Variants in XIST observed in about 807,000 individuals in gnomAD.
The protein encoded by XIST is X inactive specific transcript, also known as X inactive specific transcript (non-protein coding).
In XIST at chrX:73,847,852, T is replaced by C. The variant is rs766905596; in HGVS notation, n.4872A>G. ...GGGAGAGACCATGAACATTGGAATT[T>C]TGCACATTCATAGTCCCAGGGAAAG... is the stretch of plus-strand genomic sequence containing the variant. On this transcript the variant is annotated non_coding_transcript_exon_variant, in exon 1 of 6. Coordinates refer to ENST00000429829, the Ensembl canonical transcript of XIST. 1.3e-5 allele frequency: 7 copies of C among 559,165 alleles called. No individual in the cohort carries two copies. The East Asian group carries it at 1.9e-4, about 16-fold the overall frequency. The allele number at this position is 559,165 out of a possible 1,213,427, so 46.1% of individuals were successfully genotyped here. A position where few individuals can be genotyped will look rare whatever the true frequency, so the allele number is the denominator to read the frequency against.
chrX:73,829,069 T>C (rs1445948947), exon 5 of XIST: 4 of 556,731 alleles, frequency 7.2e-6, no homozygotes, highest in Middle Eastern at 6.2e-4. Flanking sequence ...ACAACTTACT[T>C]CATTCAGCTA....
chrX:73,824,798 A>C (rs759853195), exon 6 of XIST: 4 of 557,222 alleles, frequency 7.2e-6, no homozygotes, highest in Admixed American at 4.4e-5. Context: ...AAAATGTATC[A>C]GTAATAATTT....
exon 1 of XIST, chrX:73,849,068 G>A: frequency 5.4e-6 from 3 of 557,591 alleles, no homozygotes; most frequent in Non-Finnish European, 9.7e-6. Flanking sequence ...TGGATAATTG[G>A]GATTTTACTC....
exon 6 of XIST, chrX:73,824,200 T>C: frequency 3.9e-6 from 2 of 515,752 alleles, no homozygotes; most frequent in Middle Eastern, 6.2e-4. Flanking sequence ...CCCCAATGCC[T>C]AGCAATGAGA....
chrX:73,850,287 G>A, exon 1 of XIST: 1 of 551,538 alleles, frequency 1.8e-6, no homozygotes, highest in Non-Finnish European at 3.3e-6. Context: ...CCAAAAAAAG[G>A]TTAAGGAATT....
chrX:73,823,223 A>C, exon 6 of XIST: 1 of 536,121 alleles, frequency 1.9e-6, no homozygotes, highest in Non-Finnish European at 3.4e-6. Context: ...CTGGCTTTAA[A>C]CTAAGCCAAT....
exon 1 of XIST, chrX:73,843,365 T>G (rs1365299661): frequency 1.8e-6 from 1 of 557,208 alleles, no homozygotes; most frequent in African/African-American, 2.2e-5. Context: ...TTGATAATTG[T>G]TATTAATGCT....
chrX:73,833,531 A>T (rs1922425559), intron 2 of XIST: 5 of 348,202 alleles, frequency 1.4e-5, no homozygotes, highest in Admixed American at 9.9e-5. Flanking sequence ...TGGTCTCCCT[A>T]AAGTCCTCTA....
At chrX:73,845,227 G>A in exon 1 of XIST, 2 of 558,125 alleles carry the variant, frequency 3.6e-6, no homozygotes, top group Non-Finnish European at 3.2e-6. Flanking sequence ...GATTGGGGGT[G>A]GAGTGTGGCA....
At position 73,837,721 on chromosome X, in the gene XIST, T is replaced by TG. The variant is rs760640241; in HGVS notation, n.11343-219_11343-218insC. Among the ~76,000 whole-genome samples, 3 of 111,515 alleles carry TG rather than the reference T, an allele frequency of 2.7e-5. No individual in the cohort carries two copies. In the South Asian group the frequency reaches 1.1e-3, roughly 41 times the overall value. Reference sequence around the variant, plus strand: ...CACTGTTCTAACATTAAAAGGTTATTTTTTCTAAAAATCTCCCAACCAGTT... The same window carrying TG: ...CACTGTTCTAACATTAAAAGGTTATTGTTTTCTAAAAATCTCCCAACCAGTT... On this transcript the variant is annotated intron_variant and non_coding_transcript_variant, in intron 1 of 5. Transcript: ENST00000429829.
exon 6 of XIST, chrX:73,822,824 A>G (rs775188770): frequency 1.8e-6 from 1 of 558,712 alleles, no homozygotes; most frequent in Admixed American, 2.2e-5. Flanking sequence ...TCTACAACGC[A>G]TGTCAAAGGT....
chrX:73,826,410 G>A (rs1459027522), exon 6 of XIST: 5 of 557,713 alleles, frequency 9.0e-6, no homozygotes, highest in South Asian at 6.7e-5. Flanking sequence ...CTCTCAAGTG[G>A]AGAAGATGTG....
intron 3 of XIST, among the ~76,000 whole-genome samples, chrX:73,832,100 C>T (rs1367687398): frequency 2.7e-5 from 3 of 111,717 alleles, no homozygotes; most frequent in African/African-American, 9.8e-5. Flanking sequence ...TTTGGGAGGT[C>T]GAGGCGGGTG....
chrX:73,822,684 TTG>T lies in XIST; in HGVS notation n.17215_17216del, dbSNP rs769194320. 245 of 535,136 alleles carry T rather than the reference TTG, an allele frequency of 4.6e-4. 1 individual carries two copies. The highest frequency in any genetic ancestry group is 9.1e-5 in the Non-Finnish European group (27 of 297,582). The allele number at this position is 535,136 out of a possible 1,213,427, so 44.1% of individuals were successfully genotyped here. On this transcript the variant is annotated non_coding_transcript_exon_variant, in exon 6 of 6. Coordinates refer to ENST00000429829, the Ensembl canonical transcript of XIST. ...TGAAGAGTATCACTTCATTCCATTT[TTG>T]TGTTTTTGTTGCATCTCCAAGTCAG...
rs879167720 is a variant in XIST at position 73,823,300 on chromosome X, T to C, written n.16601A>G. ...CTCTTTATTTTGAAAGAAACTTGCA[T>C]TTTTCTTTCTTTTTTTTTTTTTTTT... On this transcript the variant is annotated non_coding_transcript_exon_variant, in exon 6 of 6. Transcript: ENST00000429829. 8.4e-6 allele frequency: 4 copies of C among 476,775 alleles called. No homozygotes were observed. In the South Asian group the frequency reaches 1.1e-4, roughly 14 times the overall value. The allele number at this position is 476,775 out of a possible 1,213,427, so 39.3% of individuals were successfully genotyped here.
exon 1 of XIST, chrX:73,850,617 C>T (rs1449611538): frequency 1.9e-6 from 1 of 523,939 alleles, no homozygotes; most frequent in Non-Finnish European, 3.4e-6. Flanking sequence ...CGGCTCACCA[C>T]CATGTCCACA....
exon 4 of XIST, chrX:73,831,245 A>C (rs1922373666): frequency 1.8e-6 from 1 of 546,626 alleles, no homozygotes; most frequent in Non-Finnish European, 3.3e-6. Flanking sequence ...TAACACTGTA[A>C]AACAACAAGC....
exon 6 of XIST, chrX:73,827,620 C>T (rs1216188318): frequency 5.5e-6 from 3 of 546,568 alleles, no homozygotes; most frequent in African/African-American, 4.5e-5. Flanking sequence ...TTAAAACGAA[C>T]GAGAAGGGGA....
chrX:73,831,258 A>G (rs750067543), exon 4 of XIST: 20 of 540,075 alleles, frequency 3.7e-5, no homozygotes, highest in Admixed American at 2.6e-4. Flanking sequence ...CAACAAGCCT[A>G]TTCTTCTGAG....
Sources: gnomAD v4.1 joint callset for allele counts (sites outside exome capture counted in the v4.1 genomes callset) on GRCh38, gnomAD v4.1.1 for gene constraint, MANE v1.5 for transcripts, NCBI Gene and HGNC (gene_info 2026-07-23, HGNC 2026-07-21) for gene names.